Variants in IL9R observed in about 807,000 individuals in gnomAD.
IL9R encodes the protein interleukin 9 receptor, also known as interleukin-9 receptor.
A neutral mutation model predicts 56.3 loss-of-function variants in IL9R; 54 were observed. The ratio of observed to expected loss-of-function variants is 0.96; its 90% CI spans 0.77 to 1.20. The LOEUF (loss-of-function observed/expected upper bound fraction) is 1.20, where lower values mean the gene tolerates loss of function less well. IL9R is among the 50% of genes most tolerant of loss of function. The probability of loss-of-function intolerance (pLI) is 0.00; values close to 1 mark genes in which losing one functional copy is unlikely to be tolerated. For missense variants in IL9R, 545 were observed against 629.8 expected (o/e 0.87, Z 1.44); for synonymous variants, 212 against 250.2 (o/e 0.85, Z 1.44).
chrX:156,002,632 G>A (rs1432037506), intron 1 of IL9R, among the ~76,000 whole-genome samples: 1 of 152,198 alleles, frequency 6.6e-6, no homozygotes, highest in Non-Finnish European at 1.5e-5. Flanking sequence ...AGACCTAGCT[G>A]AGTCAGAGGC....
In IL9R at chrX:156,003,499, G is replaced by A. The variant is rs750814045; in HGVS notation, c.193G>A (p.Asp65Asn). Residue 65 changes from aspartate to asparagine, a missense_variant, in exon 3 of 9, where the codon GAT (aspartate) becomes AAT (asparagine). Physicochemically the swap from Asp to Asn is conservative, Grantham distance 23. Coordinates refer to ENST00000244174, the MANE Select transcript of IL9R (RefSeq NM_002186.3). ...CCTCACCAACAACATTCTCAGGATC[G>A]ATTGCCACTGGTCTGCCCCAGAGCT... ...TCLTNNILRI[D>N]CHWSAPELGQ... 8.1e-6 allele frequency: 13 copies of A among 1,612,434 alleles called. No homozygotes were observed. The highest frequency in any genetic ancestry group is 2.2e-5 in the East Asian group (1 of 44,884).
chrX:155,998,802 G>C (rs1248342531), intron 1 of IL9R, among the ~76,000 whole-genome samples: 1 of 152,058 alleles, frequency 6.6e-6, no homozygotes, highest in East Asian at 1.9e-4. Flanking sequence ...GCCTCCAGGA[G>C]CCTCATGTAG....
rs759239541 is a variant in IL9R, at chrX:156,005,343, C to A, written c.645C>A (p.Asp215Glu). The part of the protein sequence containing the change: ...TWLILEAFEL[D>E]PGFIHEARLR... ...TTATACTTGAAGCCTTTGAGCTGGA[C>A]CCTGGCTTTATCCATGAGGCCAGGC... The change falls in exon 6 of 9, where the codon GAC becomes GAA. Residue 215 changes from aspartate (D) to glutamate (E), a missense_variant. By Grantham distance (45) the Asp-to-Glu change is conservative. This residue lies in a region of IL9R where 431 missense variants were observed against 360.0 expected (regional missense o/e 1.20). Coordinates refer to ENST00000244174, the MANE Select transcript of IL9R (RefSeq NM_002186.3). 7 of 1,612,506 alleles carry A rather than the reference C, an allele frequency of 4.3e-6. No homozygotes were observed. Among genetic ancestry groups the A allele is most frequent in the Non-Finnish European group, 5.1e-6 (6 of 1,179,812 alleles).
rs147020771 is a variant in IL9R, at chrX:156,003,269, G to T, written c.143-180G>T. 2.7e-3 allele frequency among the ~76,000 whole-genome samples: 418 copies of T among 152,016 alleles called. 1 individual carries two copies. Among genetic ancestry groups the T allele is most frequent in the African/African-American group, 9.6e-3 (397 of 41,448 alleles). On this transcript the variant is annotated intron_variant, in intron 2 of 8. Coordinates refer to ENST00000244174, the MANE Select transcript of IL9R (RefSeq NM_002186.3). ...ACGCCTCTCCAGATCTGACTTGCCC[G>T]TGTACCACAGGTCAGAGCCCATCAC...
At chrX:155,999,280 C>T (rs777222808) in intron 1 of IL9R, among the ~76,000 whole-genome samples, 29 of 152,242 alleles carry the variant, frequency 1.9e-4, no homozygotes, top group African/African-American at 6.5e-4. Context: ...CCCAACACCT[C>T]TGCAGTGCCA....
chrX:156,005,932 G>T (rs2067902930), intron 6 of IL9R, 151 bp from the exon 7 acceptor site: 27 of 617,248 alleles, frequency 4.4e-5, no homozygotes, highest in South Asian at 2.5e-4. Context: ...CCATCACAAG[G>T]TCCTTCAGCA....
At chrX:156,002,360 T>G (rs1190741240) in intron 1 of IL9R, among the ~76,000 whole-genome samples, 1 of 151,972 alleles carries the variant, frequency 6.6e-6, no homozygotes. Context: ...AAAAAAAAAT[T>G]TGCTTAGAAT....
chrX:156,005,526 G>A lies in IL9R; in HGVS notation c.781+47G>A, dbSNP rs1470866290. Reference sequence around the variant, plus strand: ...GCACTTCCAGCGGAGTCTGGGCTGGGCGTCTTCTCCCCTGTTCACCTCAGC... The same window carrying A: ...GCACTTCCAGCGGAGTCTGGGCTGGACGTCTTCTCCCCTGTTCACCTCAGC... On this transcript the variant is annotated intron_variant, in intron 6 of 8. Transcript: ENST00000244174. 4.6e-6 allele frequency: 7 copies of A among 1,525,166 alleles called. No individual in the cohort carries two copies. In the Admixed American group the frequency reaches 8.4e-5, roughly 18 times the overall value. The allele number at this position is 1,525,166 out of a possible 1,614,324, so 94.5% of individuals were successfully genotyped here.
Position 156,002,947 on chromosome X carries a change from AC to A in IL9R, c.72del (p.Trp25GlyfsTer140). ...ESEALRRDMGTWLLACICICT... is the reference protein window; with the variant it reads ...ESEALRRDMGXWLLACICICT... The stretch of plus-strand genomic sequence containing the variant: ...TGAGGCCCTGAGGCGAGACATGGGC[AC>A]CTGGCTCCTGGCCTGCATCTGCATC... On this transcript the variant is annotated frameshift_variant, in exon 2 of 9. Transcript: ENST00000244174. LOFTEE classifies it high-confidence loss of function. 6.2e-7 allele frequency: 1 copy of A among 1,613,894 alleles called. No homozygotes were observed. The highest frequency in any genetic ancestry group is 8.5e-7 in the Non-Finnish European group (1 of 1,179,844).
chrX:156,002,518 C>T (rs748698102), intron 1 of IL9R, among the ~76,000 whole-genome samples: 1 of 152,274 alleles, frequency 6.6e-6, no homozygotes, highest in Non-Finnish European at 1.5e-5. Flanking sequence ...GTGACCAGTT[C>T]CCCCAACCCT....
Position 156,007,503 on chromosome X carries a change from C to A in IL9R, c.888-20C>A, listed in dbSNP as rs754842950. 6 of 1,020,676 alleles carry A rather than the reference C, an allele frequency of 5.9e-6. No individual in the cohort carries two copies. The highest frequency in any genetic ancestry group is 1.5e-6 in the Non-Finnish European group (1 of 668,160). 63.2% of individuals were successfully genotyped at this position (1,020,676 alleles called of 1,614,324 possible). On this transcript the variant is annotated intron_variant, in intron 7 of 8. Coordinates refer to ENST00000244174, the MANE Select transcript of IL9R (RefSeq NM_002186.3). ...CACCTGGGTCGCCATAGGCCTCTGA[C>A]TGGCCTCTCTTGGCCTCAGGGTGAA...
At chrX:156,004,170 A>G in intron 4 of IL9R, 1 of 600,890 alleles carries the variant, frequency 1.7e-6, no homozygotes. Flanking sequence ...AAAAGCTTCC[A>G]GCAGCAGACT....
chrX:156,007,395 A>T, intron 7 of IL9R, 128 bp from the exon 8 acceptor site: 1 of 711,738 alleles, frequency 1.4e-6, no homozygotes, highest in Non-Finnish European at 2.5e-6. Flanking sequence ...ATGTGATGAG[A>T]TGGGAGAGAG....
chrX:156,000,950 A>G (rs2067480521), intron 1 of IL9R, among the ~76,000 whole-genome samples: 1 of 152,140 alleles, frequency 6.6e-6, no homozygotes, highest in Admixed American at 6.5e-5. Flanking sequence ...CTTCATCTGT[A>G]GGAGGGTGGT....
At chrX:156,009,294 GTTTA>G (rs2068306624) in intron 8 of IL9R, among the ~76,000 whole-genome samples, 7 of 121,064 alleles carry the variant, frequency 5.8e-5, no homozygotes, top group African/African-American at 6.9e-5. Context: ...GTGTGTGTGT[GTTTA>G]TGTGTGTGTG....
chrX:156,009,108 T>TGTCTGTGTGTGTG (rs2068242421), intron 8 of IL9R, among the ~76,000 whole-genome samples: 1 of 148,192 alleles, frequency 6.7e-6, no homozygotes, highest in Non-Finnish European at 1.5e-5. Flanking sequence ...TGTGTGTGTG[T>TGTCTGTGTGTGTG]TTATGTGTCT....
At chrX:156,009,239 GTGGTGTGTGTGTC>G (rs1238122268) in intron 8 of IL9R, among the ~76,000 whole-genome samples, 130 of 2,658 alleles carry the variant, frequency 0.049, 1 homozygote, top group African/African-American at 0.15. Flanking sequence ...GTGTGTTCGT[GTGGTGTGTGTGTC>G]TGTGTGTGTG....
In IL9R at chrX:156,003,855, G is replaced by GGTGA. The variant is rs2067717039; in HGVS notation, c.433+2_433+5dup. ...CCCGGAGTACCTGCCCCGGAGACACGGTGAGCAGCAGCTATAGGTCTGGGG... is the reference window on the plus strand; with the variant it reads ...CCCGGAGTACCTGCCCCGGAGACACGGTGAGTGAGCAGCAGCTATAGGTCTGGGG... On this transcript the variant is annotated frameshift_variant and splice_region_variant. Coordinates refer to ENST00000244174, the MANE Select transcript of IL9R (RefSeq NM_002186.3). LOFTEE classifies it high-confidence loss of function. 1 of 1,613,860 alleles carries GGTGA rather than the reference G, an allele frequency of 6.2e-7. No individual in the cohort carries two copies. The highest frequency in any genetic ancestry group is 1.7e-5 in the Admixed American group (1 of 60,006).
rs2067770678 is a variant in IL9R, at chrX:156,004,491, A to G, written c.505A>G (p.Ser169Gly). 1.9e-6 allele frequency: 3 copies of G among 1,613,678 alleles called. No individual in the cohort carries two copies. Among genetic ancestry groups the G allele is most frequent in the Non-Finnish European group, 2.5e-6 (3 of 1,179,834 alleles). Reference sequence around the variant, plus strand: ...CCACTGCATCCTGACCTGGAGCATCAGTCCTGCCTTGGAGCCAATGACCAC... The same window carrying G: ...CCACTGCATCCTGACCTGGAGCATCGGTCCTGCCTTGGAGCCAATGACCAC... ...SGHCILTWSI[S>G]PALEPMTTLL... is the part of the protein sequence containing the mutation. The change falls in exon 5 of 9, where the codon AGT becomes GGT. Residue 169 changes from serine to glycine, a missense_variant. Ser to Gly is a moderately conservative substitution (Grantham distance 56, BLOSUM62 0). Transcript: ENST00000244174.
Sources: allele counts gnomAD v4.1 joint callset (sites outside exome capture counted in the v4.1 genomes callset), GRCh38; gene constraint gnomAD v4.1.1; regional missense constraint gnomAD v4.1.1; transcripts MANE v1.5; gene names NCBI Gene and HGNC (gene_info 2026-07-23, HGNC 2026-07-21).